ARL15: variants seen among roughly 807,000 people sequenced by gnomAD.
ARL15 encodes the protein ARF like GTPase 15.
Under a neutral mutation model 25.2 loss-of-function variants are expected in ARL15, and 19 were observed. The observed-to-expected ratio is 0.75, with a 90% CI of 0.53 to 1.10. The LOEUF (loss-of-function observed/expected upper bound fraction) is 1.10, where lower values mean the gene tolerates loss of function less well. Ranked by LOEUF, ARL15 falls within the 50% of genes least tolerant of loss-of-function variation. The pLI, the probability that ARL15 is intolerant of heterozygous loss-of-function variation, is 0.00. For synonymous variants in ARL15, 94 were observed against 86.8 expected (o/e 1.08, Z -0.46); for missense variants, 220 against 246.0 (o/e 0.89, Z 0.71).
chr5:54,221,657 T>A (rs1756376093), intron 1 of ARL15, among the ~76,000 whole-genome samples: 1 of 150,988 alleles, frequency 6.6e-6, no homozygotes, highest in Admixed American at 6.6e-5. Flanking sequence ...AGATAATATA[T>A]CCAAAACGAA....
chr5:54,016,241 G>C (rs1234438092), intron 4 of ARL15, among the ~76,000 whole-genome samples: 1 of 152,122 alleles, frequency 6.6e-6, no homozygotes, highest in African/African-American at 2.4e-5. Context: ...TATATAATTT[G>C]CTTCCTTTGA....
intron 1 of ARL15, among the ~76,000 whole-genome samples, chr5:54,206,334 TA>T (rs1229793342): frequency 6.6e-6 from 1 of 152,142 alleles, no homozygotes; most frequent in African/African-American, 2.4e-5. Context: ...TAGATATTTA[TA>T]GTGAACAAGG....
At chr5:54,043,972 G>A (rs527334557) in intron 4 of ARL15, among the ~76,000 whole-genome samples, 2 of 152,102 alleles carry the variant, frequency 1.3e-5, no homozygotes, top group South Asian at 2.1e-4. Flanking sequence ...AGCCATGTTC[G>A]TCAGGGTGAC....
intron 4 of ARL15, among the ~76,000 whole-genome samples, chr5:54,061,801 C>T (rs984507055): frequency 2.0e-5 from 3 of 151,972 alleles, no homozygotes; most frequent in Non-Finnish European, 4.4e-5. Flanking sequence ...ACTAGGGCAC[C>T]GCCTAGTGGA....
intron 4 of ARL15, among the ~76,000 whole-genome samples, chr5:54,107,747 AG>A (rs150104881): frequency 8.1e-4 from 123 of 152,342 alleles, no homozygotes; most frequent in African/African-American, 3.0e-3. Context: ...GTTTTAAAAG[AG>A]AACATAATAA....
chr5:54,054,711 A>G (rs1750805635), intron 4 of ARL15, among the ~76,000 whole-genome samples: 1 of 152,110 alleles, frequency 6.6e-6, no homozygotes, highest in Non-Finnish European at 1.5e-5. Flanking sequence ...GATGGCGTGA[A>G]CCCAGAAGGC....
intron 4 of ARL15, among the ~76,000 whole-genome samples, chr5:53,910,633 T>TATATATATA (rs1491507286): frequency 5.5e-5 from 3 of 54,998 alleles, no homozygotes; most frequent in African/African-American, 2.2e-4. Context: ...TAAAAAAAAA[T>TATATATATA]TATATATATA....
chr5:54,018,423 A>C (rs982895043), intron 4 of ARL15, among the ~76,000 whole-genome samples: 1 of 152,226 alleles, frequency 6.6e-6, no homozygotes, highest in Non-Finnish European at 1.5e-5. Flanking sequence ...AACATACAAA[A>C]AAGATTGTTC....
intron 1 of ARL15, among the ~76,000 whole-genome samples, chr5:54,187,056 T>C (rs540808597): frequency 5.8e-4 from 89 of 152,316 alleles, no homozygotes; most frequent in African/African-American, 2.0e-3. Flanking sequence ...AGGATACTGA[T>C]AATTCACAGA....
At chr5:54,029,998 A>C (rs1281838281) in intron 4 of ARL15, among the ~76,000 whole-genome samples, 2 of 151,986 alleles carry the variant, frequency 1.3e-5, no homozygotes, top group East Asian at 3.9e-4. Context: ...CTCCATCTCA[A>C]ATAAATAAAT....
chr5:54,013,721 C>G (rs534615760), intron 4 of ARL15, among the ~76,000 whole-genome samples: 1 of 152,280 alleles, frequency 6.6e-6, no homozygotes, highest in South Asian at 2.1e-4. Flanking sequence ...CCATCTAGAC[C>G]TGTGACTCAT....
intron 4 of ARL15, among the ~76,000 whole-genome samples, chr5:53,935,955 G>A (rs1377336312): frequency 4.6e-5 from 7 of 152,012 alleles, no homozygotes. Context: ...CACCATGTTG[G>A]CCACACTGGT....
At chr5:54,094,116 A>C (rs1752213843) in intron 4 of ARL15, among the ~76,000 whole-genome samples, 1 of 152,272 alleles carries the variant, frequency 6.6e-6, no homozygotes, top group East Asian at 1.9e-4. Context: ...GCTAGTAGAC[A>C]AATTTTTGAC....
intron 1 of ARL15, among the ~76,000 whole-genome samples, chr5:54,287,843 C>A (rs1758221486): frequency 6.6e-6 from 1 of 152,138 alleles, no homozygotes; most frequent in Non-Finnish European, 1.5e-5. Flanking sequence ...GGCAGTTTAG[C>A]CTTAGTAGCT....
intron 4 of ARL15, among the ~76,000 whole-genome samples, chr5:53,948,165 C>T (rs773239549): frequency 3.3e-5 from 5 of 152,008 alleles, no homozygotes; most frequent in Admixed American, 6.6e-5. Context: ...ACAGTGAATA[C>T]GTAAGATGAT....
At chr5:54,121,064 C>A (rs867678003) in intron 3 of ARL15, among the ~76,000 whole-genome samples, 3 of 152,086 alleles carry the variant, frequency 2.0e-5, no homozygotes, top group Non-Finnish European at 4.4e-5. Context: ...TCCTATATAG[C>A]ATAAAGTATA....
At chr5:54,020,376 T>C (rs1561191694) in intron 4 of ARL15, among the ~76,000 whole-genome samples, 1 of 151,778 alleles carries the variant, frequency 6.6e-6, no homozygotes, top group Non-Finnish European at 1.5e-5. Context: ...TCTCCCAGAG[T>C]GGGGGTATCA....
intron 4 of ARL15, among the ~76,000 whole-genome samples, chr5:53,903,474 T>C (rs927748225): frequency 1.3e-5 from 2 of 152,142 alleles, no homozygotes; most frequent in Admixed American, 6.5e-5. Flanking sequence ...CTCCAATGCA[T>C]AGGGCAGCTT....
At chr5:54,191,052 A>AC (rs1755384007) in intron 1 of ARL15, among the ~76,000 whole-genome samples, 1 of 152,212 alleles carries the variant, frequency 6.6e-6, no homozygotes, top group African/African-American at 2.4e-5. Flanking sequence ...GCATAGAAGT[A>AC]CCCCATATGT....
Sources: allele counts gnomAD v4.1 joint callset (sites outside exome capture counted in the v4.1 genomes callset), GRCh38; gene constraint gnomAD v4.1.1; transcripts MANE v1.5; gene names NCBI Gene and HGNC (gene_info 2026-07-23, HGNC 2026-07-21).